Variants in PRKCA observed in about 807,000 individuals in gnomAD.
The protein encoded by PRKCA is protein kinase C alpha.
PRKCA carries 27 observed loss-of-function variants against 87.0 expected under a neutral mutation model. The ratio of observed to expected loss-of-function variants is 0.31; its 90% CI spans 0.23 to 0.43. The LOEUF is 0.43. PRKCA is among the 20% of genes least tolerant of loss of function. PRKCA has a pLI of 1.00. For missense variants in PRKCA, 518 were observed against 852.3 expected, an observed-to-expected ratio of 0.61 and a Z score of 4.88; for synonymous variants, 329 against 311.1, an observed-to-expected ratio of 1.06 and a Z score of -0.61.
At chr17:66,655,413 C>T (rs1484376829) in intron 5 of PRKCA, among the ~76,000 whole-genome samples, 1 of 152,178 alleles carries the variant, frequency 6.6e-6, no homozygotes, top group Non-Finnish European at 1.5e-5. Context: ...ACCAGTGTTT[C>T]TTCCCTCCTC....
intron 3 of PRKCA, among the ~76,000 whole-genome samples, chr17:66,622,903 G>A (rs555387028): frequency 2.8e-4 from 42 of 152,342 alleles, no homozygotes; most frequent in African/African-American, 9.4e-4. Context: ...TCCCTCCCAC[G>A]ACATGTGGGA....
intron 2 of PRKCA, among the ~76,000 whole-genome samples, chr17:66,432,833 C>T (rs34651982): frequency 3.3e-5 from 5 of 152,158 alleles, no homozygotes; most frequent in Non-Finnish European, 5.9e-5. Context: ...AAACCCCCAC[C>T]TTTGCAGTCA....
chr17:66,534,609 G>C (rs892810040), intron 3 of PRKCA, among the ~76,000 whole-genome samples: 1 of 152,186 alleles, frequency 6.6e-6, no homozygotes, highest in African/African-American at 2.4e-5. Flanking sequence ...GGAGCTTGCA[G>C]TGAGCCGAGA....
chr17:66,698,756 T>C (rs1972989048), intron 8 of PRKCA, among the ~76,000 whole-genome samples: 1 of 151,086 alleles, frequency 6.6e-6, no homozygotes, highest in African/African-American at 2.4e-5. Flanking sequence ...GGTGGATCAC[T>C]TGAGGCCAGG....
chr17:66,766,311 C>CTA (rs997795215), intron 13 of PRKCA, among the ~76,000 whole-genome samples: 15 of 152,244 alleles, frequency 9.9e-5, no homozygotes, highest in Admixed American at 2.6e-4. Flanking sequence ...TGGCCATGGC[C>CTA]TTTAGGATTC....
chr17:66,460,976 C>T (rs964172146), intron 2 of PRKCA, among the ~76,000 whole-genome samples: 3 of 152,046 alleles, frequency 2.0e-5, no homozygotes, highest in Non-Finnish European at 2.9e-5. Flanking sequence ...GAGGTTGAGG[C>T]GGGTGGATCA....
chr17:66,732,226 C>G (rs1436512608), intron 8 of PRKCA, among the ~76,000 whole-genome samples: 1 of 152,040 alleles, frequency 6.6e-6, no homozygotes, highest in Admixed American at 6.5e-5. Flanking sequence ...AGTTCCTCTC[C>G]AGAGAACATT....
chr17:66,462,908 G>A (rs1462177643), intron 2 of PRKCA, among the ~76,000 whole-genome samples: 1 of 148,302 alleles, frequency 6.7e-6, no homozygotes, highest in Non-Finnish European at 1.5e-5. Flanking sequence ...GCACACACAT[G>A]CACGTGCACA....
chr17:66,785,682 G>A (rs1046206302), intron 14 of PRKCA, among the ~76,000 whole-genome samples: 3 of 152,202 alleles, frequency 2.0e-5, no homozygotes, highest in Non-Finnish European at 4.4e-5. Flanking sequence ...TTTCCTCCTA[G>A]AAGGTGCTCA....
intron 2 of PRKCA, among the ~76,000 whole-genome samples, chr17:66,489,595 A>AT (rs1173487152): frequency 6.6e-6 from 1 of 151,728 alleles, no homozygotes; most frequent in African/African-American, 2.4e-5. Context: ...CACGTCTCCA[A>AT]TCCTTAAAGA....
At chr17:66,504,239 G>A (rs960477467) in intron 3 of PRKCA, among the ~76,000 whole-genome samples, 7 of 150,570 alleles carry the variant, frequency 4.6e-5, no homozygotes, top group Non-Finnish European at 1.0e-4. Context: ...CCCAAGGCAG[G>A]GATTATCCTC....
At chr17:66,587,905 A>C (rs112721704) in intron 3 of PRKCA, among the ~76,000 whole-genome samples, 1 of 63,040 alleles carries the variant, frequency 1.6e-5, no homozygotes, top group Non-Finnish European at 3.0e-5. Context: ...GTATATATAT[A>C]TATATATATA....
chr17:66,671,277 C>T (rs988964747), intron 5 of PRKCA, among the ~76,000 whole-genome samples: 6 of 139,644 alleles, frequency 4.3e-5, no homozygotes, highest in African/African-American at 1.3e-4. Context: ...GGGACAACAA[C>T]AAGTGAAGCT....
chr17:66,615,415 T>C (rs961914832), intron 3 of PRKCA, among the ~76,000 whole-genome samples: 4 of 152,108 alleles, frequency 2.6e-5, no homozygotes, highest in Non-Finnish European at 5.9e-5. Context: ...CACTTGGGGA[T>C]TGAGGAGTCT....
At chr17:66,765,451 T>TCC (rs1568021046) in intron 13 of PRKCA, among the ~76,000 whole-genome samples, 1 of 140,658 alleles carries the variant, frequency 7.1e-6, no homozygotes, top group South Asian at 2.2e-4. Context: ...TATATATATA[T>TCC]ATATCCATAT....
intron 2 of PRKCA, among the ~76,000 whole-genome samples, chr17:66,354,317 A>C (rs568399233): frequency 1.9e-4 from 29 of 152,328 alleles, no homozygotes; most frequent in African/African-American, 7.0e-4. Flanking sequence ...GAATAATTAA[A>C]TACATGCAGC....
rs755225462 is a variant in PRKCA, at chr17:66,804,188, C to T, written c.*151C>T. 10 of 1,063,536 alleles carry T rather than the reference C, an allele frequency of 9.4e-6. No homozygotes were observed. The highest frequency in any genetic ancestry group is 1.0e-5 in the Non-Finnish European group (8 of 764,478). The allele number at this position is 1,063,536 out of a possible 1,614,324, so 65.9% of individuals were successfully genotyped here. Reference sequence around the variant, plus strand: ...GTAGGGTTATTAGTCCAAATGTGATCAACTGTTCAGGGTCTCTCTCTTACA... The same window carrying T: ...GTAGGGTTATTAGTCCAAATGTGATTAACTGTTCAGGGTCTCTCTCTTACA... On this transcript the variant is annotated 3_prime_UTR_variant, in exon 17 of 17. Coordinates refer to ENST00000413366, the MANE Select transcript of PRKCA (RefSeq NM_002737.3).
intron 3 of PRKCA, among the ~76,000 whole-genome samples, chr17:66,502,026 A>C (rs1916755311): frequency 6.6e-6 from 1 of 152,108 alleles, no homozygotes; most frequent in Non-Finnish European, 1.5e-5. Context: ...TCACTTCTTA[A>C]AACCTTAGCT....
At position 66,460,766 on chromosome 17, in the gene PRKCA, C is replaced by T. The variant is rs138559268; in HGVS notation, c.206-35435C>T. On this transcript the variant is annotated intron_variant, in intron 2 of 16. Transcript: ENST00000413366. ...TCCCCATTATTTGACAGGCAGGAAA[C>T]GGTAAGGCTAGCAAAGCGGGGACTG... is the stretch of plus-strand genomic sequence containing the variant. 1.9e-3 allele frequency among the ~76,000 whole-genome samples: 282 copies of T among 152,248 alleles called. 2 individuals are homozygous for T. The highest frequency in any genetic ancestry group is 6.1e-3 in the African/African-American group (253 of 41,554).
Sources: allele counts gnomAD v4.1 joint callset (sites outside exome capture counted in the v4.1 genomes callset), GRCh38; gene constraint gnomAD v4.1.1; transcripts MANE v1.5; gene names NCBI Gene and HGNC (gene_info 2026-07-23, HGNC 2026-07-21).